The following TBC1D32 variants were observed in gnomAD, a reference collection of about 807,000 sequenced individuals.
TBC1D32 encodes the protein protein broad-minded.
In TBC1D32, 151 loss-of-function variants were observed where a neutral mutation model predicts 170.3. That is an observed-to-expected ratio of 0.89 (90% CI 0.78 to 1.01). The LOEUF (loss-of-function observed/expected upper bound fraction) is 1.01. Among genes scored for constraint, TBC1D32 ranks in the 50% least tolerant of loss-of-function variants. The probability of loss-of-function intolerance (pLI) is 0.00; values close to 1 mark genes in which losing one functional copy is unlikely to be tolerated. For synonymous variants in TBC1D32, 498 were observed against 488.0 expected (o/e 1.02, Z -0.27); for missense variants, 1,464 against 1,457.1 (o/e 1.00, Z -0.08).
At chr6:121,095,557 TTGGCTG>T (rs574128621) in intron 30 of TBC1D32, among the ~76,000 whole-genome samples, 488 of 152,276 alleles carry the variant, frequency 3.2e-3, no homozygotes, top group African/African-American at 0.011. Flanking sequence ...CAGCATGATA[TTGGCTG>T]TGAGTTTGTC....
chr6:121,242,152 T>G (rs777611356), intron 18 of TBC1D32, 49 bp downstream of exon 18: 1 of 1,591,738 alleles, frequency 6.3e-7, no homozygotes, highest in Non-Finnish European at 8.5e-7. Flanking sequence ...CTTAATGGCT[T>G]TTAAAACCAC....
At chr6:121,317,720 A>C in intron 2 of TBC1D32, 48 bp from the exon 3 acceptor site, 1 of 1,375,536 alleles carries the variant, frequency 7.3e-7, no homozygotes, top group Non-Finnish European at 9.9e-7. Context: ...TCAGAAATTA[A>C]AACAGTCAAC....
intron 30 of TBC1D32, among the ~76,000 whole-genome samples, chr6:121,103,007 A>G (rs921506222): frequency 2.6e-5 from 4 of 152,192 alleles, no homozygotes; most frequent in African/African-American, 9.7e-5. Flanking sequence ...TGGCCATCAG[A>G]GAAATGCAAA....
At chr6:121,143,234 A>T (rs766853039) in intron 24 of TBC1D32, among the ~76,000 whole-genome samples, 38 of 152,284 alleles carry the variant, frequency 2.5e-4, no homozygotes, top group Non-Finnish European at 2.6e-4. Context: ...ACTCATATAC[A>T]TGTATTCAAG....
intron 21 of TBC1D32, among the ~76,000 whole-genome samples, chr6:121,218,421 CTGAG>C (rs1236718600): frequency 6.6e-6 from 1 of 152,140 alleles, no homozygotes; most frequent in East Asian, 1.9e-4. Context: ...ACGGTTAACA[CTGAG>C]TGTCAACTTG....
intron 24 of TBC1D32, among the ~76,000 whole-genome samples, chr6:121,132,398 C>A (rs1265524808): frequency 1.3e-5 from 2 of 151,978 alleles, no homozygotes; most frequent in Non-Finnish European, 2.9e-5. Context: ...TATTTACCTT[C>A]AAGGATGAGA....
intron 24 of TBC1D32, among the ~76,000 whole-genome samples, chr6:121,132,261 A>G (rs779227703): frequency 2.6e-5 from 4 of 152,000 alleles, no homozygotes; most frequent in Non-Finnish European, 5.9e-5. Context: ...TGGCATATTG[A>G]TTATTTAAAT....
intron 4 of TBC1D32, among the ~76,000 whole-genome samples, chr6:121,308,601 C>T (rs1455893590): frequency 1.3e-5 from 2 of 151,072 alleles, no homozygotes; most frequent in Non-Finnish European, 2.9e-5. Context: ...TTCTGGCCTT[C>T]TGACTACTTA....
intron 21 of TBC1D32, among the ~76,000 whole-genome samples, chr6:121,205,990 C>T (rs1245486226): frequency 2.0e-5 from 3 of 151,876 alleles, no homozygotes; most frequent in African/African-American, 7.3e-5. Context: ...GGTGGGCAGA[C>T]CACAAGGTCA....
At chr6:121,084,434 G>T (rs1198542528) in intron 31 of TBC1D32, among the ~76,000 whole-genome samples, 1 of 152,000 alleles carries the variant, frequency 6.6e-6, no homozygotes, top group Non-Finnish European at 1.5e-5. Context: ...CTTTGAAATG[G>T]CTTGCCTACA....
chr6:121,276,131 A>C (rs969013653), intron 15 of TBC1D32, among the ~76,000 whole-genome samples: 2 of 151,800 alleles, frequency 1.3e-5, no homozygotes, highest in African/African-American at 4.8e-5. Context: ...AAAAAAAAAA[A>C]AAAACAAACG....
At chr6:121,179,248 ATATT>A (rs1478759429) in intron 22 of TBC1D32, among the ~76,000 whole-genome samples, 4 of 151,164 alleles carry the variant, frequency 2.6e-5, no homozygotes, top group East Asian at 3.9e-4. Context: ...ATAAATATGT[ATATT>A]TATTTTATAT....
At chr6:121,160,371 T>A (rs1343896055) in intron 23 of TBC1D32, among the ~76,000 whole-genome samples, 1 of 71,948 alleles carries the variant, frequency 1.4e-5, no homozygotes, top group Non-Finnish European at 3.9e-5. Context: ...AATGATAAAT[T>A]TACTGTGTTT....
At chr6:121,313,250 G>A (rs73528503) in intron 3 of TBC1D32, among the ~76,000 whole-genome samples, 5,105 of 150,106 alleles carry the variant, frequency 0.034, 259 homozygotes, top group African/African-American at 0.1. Flanking sequence ...GGATTACAGG[G>A]ATGAACTACC....
chr6:121,211,442 G>A (rs1323394028), intron 21 of TBC1D32, among the ~76,000 whole-genome samples: 2 of 152,122 alleles, frequency 1.3e-5, no homozygotes, highest in African/African-American at 2.4e-5. Context: ...TACACAGTGT[G>A]TAGTCTTTTA....
At chr6:121,283,370 G>C (rs61047660) in intron 13 of TBC1D32, among the ~76,000 whole-genome samples, 1 of 151,548 alleles carries the variant, frequency 6.6e-6, no homozygotes, top group East Asian at 1.9e-4. Context: ...AAACATGAAC[G>C]GTTTTTTCTT....
At chr6:121,322,608 T>C (rs907214745) in intron 1 of TBC1D32, among the ~76,000 whole-genome samples, 1 of 152,154 alleles carries the variant, frequency 6.6e-6, no homozygotes, top group African/African-American at 2.4e-5. Flanking sequence ...TGCAAAACAT[T>C]TTCTTGGATG....
At chr6:121,239,336 T>G in intron 19 of TBC1D32, 148 bp from the exon 20 acceptor site, 1 of 452,064 alleles carries the variant, frequency 2.2e-6, no homozygotes, top group South Asian at 5.5e-5. Context: ...CTCTTCTTGG[T>G]AGAAATTATA....
At chr6:121,249,489 T>G (rs184425952) in intron 17 of TBC1D32, among the ~76,000 whole-genome samples, 1 of 151,846 alleles carries the variant, frequency 6.6e-6, no homozygotes, top group East Asian at 1.9e-4. Context: ...GAAAAAGAAA[T>G]AAAGGGCATC....
Sources: gnomAD v4.1 joint callset for allele counts (sites outside exome capture counted in the v4.1 genomes callset) on GRCh38, gnomAD v4.1.1 for gene constraint, MANE v1.5 for transcripts, NCBI Gene and HGNC (gene_info 2026-07-23, HGNC 2026-07-21) for gene names.